The following SCAPER variants were observed in gnomAD, a reference collection of about 807,000 sequenced individuals.
SCAPER encodes the protein S phase cyclin A-associated protein in the endoplasmic reticulum.
In SCAPER, 98 loss-of-function variants were observed where a neutral mutation model predicts 182.2. The ratio of observed to expected loss-of-function variants is 0.54; its 90% CI spans 0.46 to 0.64. SCAPER has a LOEUF of 0.64. Among genes scored for constraint, SCAPER ranks in the 30% least tolerant of loss-of-function variants. SCAPER has a pLI of 0.00. For synonymous variants in SCAPER, 605 were observed against 564.6 expected (o/e 1.07, Z -1.01); for missense variants, 1,432 against 1,690.0 (o/e 0.85, Z 2.68).
chr15:76,368,659 C>T (rs1487840291), intron 29 of SCAPER, among the ~76,000 whole-genome samples: 1 of 152,110 alleles, frequency 6.6e-6, no homozygotes, highest in African/African-American at 2.4e-5. Context: ...TCAATGGGGG[C>T]AAAGGGGTTA....
At chr15:76,368,248 G>C (rs577359729) in intron 29 of SCAPER, among the ~76,000 whole-genome samples, 1 of 152,340 alleles carries the variant, frequency 6.6e-6, no homozygotes, top group East Asian at 1.9e-4. Flanking sequence ...ATCTGCCTTT[G>C]AGGCAAAGAG....
At chr15:76,471,101 T>A in intron 25 of SCAPER, 111 bp downstream of exon 25, 2 of 388,418 alleles carry the variant, frequency 5.1e-6, no homozygotes, top group Non-Finnish European at 7.2e-6. Context: ...TCTTCTTCTT[T>A]TTTTTTTTTT....
At chr15:76,397,219 T>A (rs894962564) in intron 27 of SCAPER, among the ~76,000 whole-genome samples, 3 of 152,216 alleles carry the variant, frequency 2.0e-5, no homozygotes, top group African/African-American at 7.2e-5. Context: ...CTGAATTTGG[T>A]TTGCTAGTAT....
intron 22 of SCAPER, among the ~76,000 whole-genome samples, chr15:76,593,983 A>G (rs62030417): frequency 0.14 from 16,810 of 120,200 alleles, 4,621 homozygotes; most frequent in Middle Eastern, 0.26. Context: ...AGTTTGACAA[A>G]TTAACAGAAG....
In SCAPER at chr15:76,456,020, T is replaced by C. The variant is rs530356879; in HGVS notation, c.3078+15192A>G. Reference sequence around the variant, plus strand: ...CTCAGAATTCTGTTTTATGGCTGCGTAGTATTCCATGGTGTATATGTGCCA... The same window carrying C: ...CTCAGAATTCTGTTTTATGGCTGCGCAGTATTCCATGGTGTATATGTGCCA... On this transcript the variant is annotated intron_variant, in intron 25 of 31. Coordinates refer to ENST00000563290, the MANE Select transcript of SCAPER (RefSeq NM_020843.4). 1.6e-4 allele frequency among the ~76,000 whole-genome samples: 25 copies of C among 152,364 alleles called. No individual in the cohort carries two copies. In the East Asian group the frequency reaches 4.6e-3, roughly 28 times the overall value.
intron 7 of SCAPER, 31 bp downstream of exon 7, chr15:76,800,217 G>A (rs749397773): frequency 8.6e-7 from 1 of 1,166,268 alleles, no homozygotes; most frequent in Admixed American, 1.8e-5. Flanking sequence ...TTTAATGCAA[G>A]TCTTAGTAGT....
intron 17 of SCAPER, among the ~76,000 whole-genome samples, chr15:76,715,951 C>T (rs1015867878): frequency 2.0e-5 from 3 of 152,108 alleles, no homozygotes; most frequent in Non-Finnish European, 4.4e-5. Flanking sequence ...TTTCACAAGA[C>T]CCTAAGCCCA....
At chr15:76,575,972 C>T (rs981638723) in intron 22 of SCAPER, among the ~76,000 whole-genome samples, 1 of 152,190 alleles carries the variant, frequency 6.6e-6, no homozygotes, top group Non-Finnish European at 1.5e-5. Context: ...ACTGCTTTAT[C>T]CTTATCATGT....
intron 17 of SCAPER, among the ~76,000 whole-genome samples, chr15:76,725,417 T>A (rs1598388336): frequency 6.9e-6 from 1 of 145,082 alleles, no homozygotes; most frequent in Non-Finnish European, 1.5e-5. Flanking sequence ...GTGTATACAT[T>A]AAAAAAAAAA....
chr15:76,903,181 G>T (rs1353577775), intron 1 of SCAPER, among the ~76,000 whole-genome samples: 1 of 152,024 alleles, frequency 6.6e-6, no homozygotes, highest in Non-Finnish European at 1.5e-5. Context: ...AATCTTTTAG[G>T]AGTTCTTAAA....
chr15:76,582,811 C>G (rs932563957), intron 22 of SCAPER, among the ~76,000 whole-genome samples: 4 of 152,140 alleles, frequency 2.6e-5, no homozygotes, highest in African/African-American at 9.7e-5. Flanking sequence ...CTACAGAGAA[C>G]TCATTTTTGA....
chr15:76,797,930 C>A (rs1198635828), intron 7 of SCAPER, among the ~76,000 whole-genome samples: 89 of 144,226 alleles, frequency 6.2e-4, no homozygotes, highest in African/African-American at 5.9e-4. Flanking sequence ...ACTTTTCAAC[C>A]AAAAAAAAAA....
At chr15:76,454,796 T>C (rs889517601) in intron 25 of SCAPER, among the ~76,000 whole-genome samples, 2 of 152,172 alleles carry the variant, frequency 1.3e-5, no homozygotes, top group African/African-American at 4.8e-5. Flanking sequence ...TGAAATGATC[T>C]TGTTCCTGGA....
chr15:76,357,791 T>C (rs2041100488), intron 29 of SCAPER, among the ~76,000 whole-genome samples: 1 of 152,228 alleles, frequency 6.6e-6, no homozygotes, highest in Non-Finnish European at 1.5e-5. Flanking sequence ...ATCATGTCTT[T>C]TGCAGCAACA....
At chr15:76,374,346 C>T (rs1413773149) in intron 29 of SCAPER, among the ~76,000 whole-genome samples, 2 of 151,902 alleles carry the variant, frequency 1.3e-5, no homozygotes, top group African/African-American at 4.8e-5. Context: ...CAAGATCACG[C>T]CACTGCACTC....
intron 23 of SCAPER, among the ~76,000 whole-genome samples, chr15:76,529,015 T>G (rs558268257): frequency 2.6e-5 from 4 of 152,248 alleles, no homozygotes; most frequent in Non-Finnish European, 5.9e-5. Flanking sequence ...TCTTTGATAT[T>G]CGTTACTGGA....
At position 76,765,658 on chromosome 15, in the gene SCAPER, G is replaced by A. The variant is rs1469881545; in HGVS notation, c.1420-20C>T. 2 of 1,547,866 alleles carry A rather than the reference G, an allele frequency of 1.3e-6. No homozygotes were observed. The highest frequency in any genetic ancestry group is 1.8e-6 in the Non-Finnish European group (2 of 1,140,140). ...GCTGGCCTAAAATGTAATAAGGGAA[G>A]TTGAAAATCAAATCTTTGAACACAA... On this transcript the variant is annotated intron_variant, in intron 11 of 31. Transcript: ENST00000563290.
chr15:76,397,719 C>T lies in SCAPER; in HGVS notation c.3467+6805G>A, dbSNP rs1018655503. 4.6e-5 allele frequency among the ~76,000 whole-genome samples: 7 copies of T among 152,138 alleles called. 1 individual carries two copies. Among genetic ancestry groups the T allele is most frequent in the South Asian group, 4.1e-4 (2 of 4,826 alleles). ...CTTGAACTCCTGACCTCAGGTGATCCGCCCGCCTTGGCCTCCCAAAGTGCT... is the reference window on the plus strand; with the variant it reads ...CTTGAACTCCTGACCTCAGGTGATCTGCCCGCCTTGGCCTCCCAAAGTGCT... On this transcript the variant is annotated intron_variant, in intron 27 of 31. Coordinates refer to ENST00000563290, the MANE Select transcript of SCAPER (RefSeq NM_020843.4).
intron 25 of SCAPER, among the ~76,000 whole-genome samples, chr15:76,443,896 G>C (rs1487398661): frequency 1.3e-5 from 2 of 152,212 alleles, no homozygotes; most frequent in Non-Finnish European, 2.9e-5. Context: ...CTACCAAGAG[G>C]TGGAAATAGC....
Sources: gnomAD v4.1 joint callset for allele counts (sites outside exome capture counted in the v4.1 genomes callset) on GRCh38, gnomAD v4.1.1 for gene constraint, MANE v1.5 for transcripts, NCBI Gene and HGNC (gene_info 2026-07-23, HGNC 2026-07-21) for gene names.